The following FMN2 variants were observed in gnomAD, a reference collection of about 807,000 sequenced individuals.
The protein encoded by FMN2 is formin 2, also known as formin-2.
FMN2 carries 51 observed loss-of-function variants against 142.3 expected under a neutral mutation model. The ratio of observed to expected loss-of-function variants is 0.36; its 90% confidence interval spans 0.29 to 0.45. The LOEUF is 0.45. Among genes scored for constraint, FMN2 ranks in the 20% least tolerant of loss-of-function variants. The pLI, the probability that FMN2 is intolerant of heterozygous loss-of-function variation, is 1.00. For synonymous variants in FMN2, 882 were observed against 869.8 expected (o/e 1.01, Z -0.25); for missense variants, 1,936 against 2,122.8 (o/e 0.91, Z 1.73).
intron 15 of FMN2, among the ~76,000 whole-genome samples, chr1:240,429,949 G>A (rs764459925): frequency 6.7e-6 from 1 of 150,202 alleles, no homozygotes; most frequent in Non-Finnish European, 1.5e-5. Context: ...GCAGTGGTGC[G>A]ATCTCAGCTC....
At chr1:240,120,346 G>A (rs1662183831) in intron 1 of FMN2, among the ~76,000 whole-genome samples, 1 of 152,224 alleles carries the variant, frequency 6.6e-6, no homozygotes, top group Non-Finnish European at 1.5e-5. Context: ...AATTAAACCA[G>A]TGAAAAATAT....
intron 15 of FMN2, among the ~76,000 whole-genome samples, chr1:240,431,423 T>TATTTATATATATATATATATAC (rs1491221486): frequency 7.6e-6 from 1 of 130,954 alleles, no homozygotes; most frequent in African/African-American, 2.8e-5. Flanking sequence ...TATATATATA[T>TATTTATATATATATATATATAC]ACATATATAT....
chr1:240,300,402 A>G (rs767733482), intron 8 of FMN2, among the ~76,000 whole-genome samples: 2 of 152,310 alleles, frequency 1.3e-5, no homozygotes, highest in East Asian at 3.9e-4. Flanking sequence ...TAGATTCCCA[A>G]CTTACAAATA....
chr1:240,290,296 A>T (rs1173790163), intron 7 of FMN2, among the ~76,000 whole-genome samples: 1 of 152,192 alleles, frequency 6.6e-6, no homozygotes. Context: ...TTTTAACAGC[A>T]TGCTTTAACA....
intron 6 of FMN2, among the ~76,000 whole-genome samples, chr1:240,224,848 A>C (rs1026145525): frequency 6.6e-6 from 1 of 152,196 alleles, no homozygotes; most frequent in Non-Finnish European, 1.5e-5. Context: ...GAAATGTAGC[A>C]ATGTGTAAGA....
chr1:240,219,526 T>C (rs886589749), intron 6 of FMN2, among the ~76,000 whole-genome samples: 5 of 152,160 alleles, frequency 3.3e-5, no homozygotes, highest in African/African-American at 1.2e-4. Flanking sequence ...GTTTAAGATT[T>C]AGAAAAAAAA....
chr1:240,200,781 G>A lies in FMN2; in HGVS notation c.1987-6018G>A, dbSNP rs564554117. 3.6e-4 allele frequency among the ~76,000 whole-genome samples: 54 copies of A among 152,046 alleles called. 1 individual carries two copies. The highest frequency in any genetic ancestry group is 1.0e-3 in the African/African-American group (42 of 41,388). On this transcript the variant is annotated intron_variant, in intron 4 of 17. Coordinates refer to ENST00000319653, the MANE Select transcript of FMN2 (RefSeq NM_020066.5). ...GTGGGAATAATGTAAGAAGCAGATA[G>A]TTTGTTGCCCCCAACTCTTTTTCCA...
At chr1:240,117,042 G>C (rs978970672) in intron 1 of FMN2, among the ~76,000 whole-genome samples, 2 of 152,082 alleles carry the variant, frequency 1.3e-5, no homozygotes, top group African/African-American at 4.8e-5. Flanking sequence ...AGGTGTTTGT[G>C]TTTCAGGAGA....
chr1:240,211,640 G>A (rs2103403626), intron 6 of FMN2, among the ~76,000 whole-genome samples: 1 of 152,312 alleles, frequency 6.6e-6, no homozygotes, highest in South Asian at 2.1e-4. Flanking sequence ...AATGTGTTTG[G>A]TATTTTGTTG....
chr1:240,408,780 G>A (rs1674297823), intron 15 of FMN2, among the ~76,000 whole-genome samples: 2 of 151,878 alleles, frequency 1.3e-5, no homozygotes, highest in Non-Finnish European at 2.9e-5. Context: ...TAGTTTACAC[G>A]AAAAAAACTT....
chr1:240,252,093 G>GT (rs1668295858), intron 6 of FMN2, among the ~76,000 whole-genome samples: 1 of 152,012 alleles, frequency 6.6e-6, no homozygotes, highest in African/African-American at 2.4e-5. Flanking sequence ...ATTTTTAGTA[G>GT]AGACGAGATT....
chr1:240,192,726 C>T (rs1042004618), intron 4 of FMN2, among the ~76,000 whole-genome samples: 6 of 151,902 alleles, frequency 3.9e-5, no homozygotes, highest in African/African-American at 1.5e-4. Context: ...AAGGGGCAAG[C>T]GAGAGATGGT....
chr1:240,298,234 A>G (rs1475082323), intron 8 of FMN2, among the ~76,000 whole-genome samples: 3 of 152,224 alleles, frequency 2.0e-5, no homozygotes, highest in Non-Finnish European at 2.9e-5. Context: ...TTATTAGTTT[A>G]GGTAGTACCA....
intron 6 of FMN2, among the ~76,000 whole-genome samples, chr1:240,211,605 A>T (rs772530589): frequency 2.0e-5 from 3 of 152,070 alleles, no homozygotes; most frequent in Non-Finnish European, 4.4e-5. Context: ...AAAACAATCA[A>T]GAAATCCAAT....
intron 7 of FMN2, among the ~76,000 whole-genome samples, chr1:240,278,403 A>G (rs1442140345): frequency 6.6e-6 from 1 of 152,176 alleles, no homozygotes; most frequent in African/African-American, 2.4e-5. Context: ...TTGAAATACG[A>G]TGAAGTCTGG....
At chr1:240,177,798 G>T in intron 2 of FMN2, 123 bp from the exon 3 acceptor site, 1 of 773,462 alleles carries the variant, frequency 1.3e-6, no homozygotes, top group East Asian at 3.1e-5. Context: ...CTGTTTTAAT[G>T]TTTCATATAT....
chr1:240,156,193 T>G (rs966728376), intron 2 of FMN2, among the ~76,000 whole-genome samples: 3 of 152,122 alleles, frequency 2.0e-5, no homozygotes, highest in African/African-American at 7.2e-5. Context: ...GAGGCCGAAG[T>G]GTGCTATGAT....
rs548978026 is a variant in FMN2 at position 240,383,082 on chromosome 1, C to A, written c.4859-9429C>A. Among the ~76,000 whole-genome samples the A allele has an allele frequency of 3.9e-5, 6 of 152,050 alleles. 1 individual carries two copies. In the South Asian group the frequency reaches 1.2e-3, roughly 32 times the overall value. On this transcript the variant is annotated intron_variant, in intron 14 of 17. Coordinates refer to ENST00000319653, the MANE Select transcript of FMN2 (RefSeq NM_020066.5). Reference sequence around the variant, plus strand: ...CATATGTAAAACAATGGAACTGGACCCCAGTCTCTCACCATATACAAAATT... The same window carrying A: ...CATATGTAAAACAATGGAACTGGACACCAGTCTCTCACCATATACAAAATT...
intron 8 of FMN2, among the ~76,000 whole-genome samples, chr1:240,299,710 C>T (rs191750642): frequency 6.6e-6 from 1 of 152,164 alleles, no homozygotes; most frequent in Admixed American, 6.5e-5. Context: ...TTCCATTTCC[C>T]ATGTTACCTT....
Sources: allele counts gnomAD v4.1 joint callset (sites outside exome capture counted in the v4.1 genomes callset), GRCh38; gene constraint gnomAD v4.1.1; transcripts MANE v1.5; gene names NCBI Gene and HGNC (gene_info 2026-07-23, HGNC 2026-07-21).